The following AKAP13 variants were observed in gnomAD, a reference collection of about 807,000 sequenced individuals.
AKAP13 encodes A-kinase anchor protein 13.
In AKAP13, 80 loss-of-function variants were observed where a neutral mutation model predicts 264.5. That is an observed-to-expected ratio of 0.30 (90% CI 0.25 to 0.36). The LOEUF (loss-of-function observed/expected upper bound fraction) is 0.36. AKAP13 is among the 10% of genes least tolerant of loss of function. The pLI is 1.00. For synonymous variants in AKAP13, 1,380 were observed against 1,250.2 expected, an observed-to-expected ratio of 1.10 and a Z score of -2.19; for missense variants, 3,712 against 3,435.2, an observed-to-expected ratio of 1.08 and a Z score of -2.01.
chr15:85,619,916 C>A (rs1421587486), intron 8 of AKAP13: 17 of 1,434,110 alleles, frequency 1.2e-5, no homozygotes, highest in Non-Finnish European at 1.5e-5. Context: ...TGCTTGATTT[C>A]TTTTTAATTC....
At chr15:85,439,127 AAAAT>A (rs1453062829) in intron 1 of AKAP13, among the ~76,000 whole-genome samples, 1 of 152,182 alleles carries the variant, frequency 6.6e-6, no homozygotes, top group East Asian at 1.9e-4. Context: ...TACAAGAAAA[AAAAT>A]AAACAGCTCC....
chr15:85,439,122 G>GA (rs1289279274), intron 1 of AKAP13, among the ~76,000 whole-genome samples: 1 of 151,528 alleles, frequency 6.6e-6, no homozygotes, highest in Non-Finnish European at 1.5e-5. Flanking sequence ...AAATTTACAA[G>GA]AAAAAAAATA....
intron 1 of AKAP13, among the ~76,000 whole-genome samples, chr15:85,462,561 C>T (rs2074556913): frequency 6.6e-6 from 1 of 152,016 alleles, no homozygotes; most frequent in Non-Finnish European, 1.5e-5. Flanking sequence ...CTCAAGAGAC[C>T]AACTAATTAA....
intron 8 of AKAP13, among the ~76,000 whole-genome samples, chr15:85,614,030 A>G (rs924328103): frequency 6.6e-6 from 1 of 152,176 alleles, no homozygotes; most frequent in Non-Finnish European, 1.5e-5. Flanking sequence ...ATATATGGGA[A>G]GTAAGTTTAT....
intron 10 of AKAP13, among the ~76,000 whole-genome samples, chr15:85,646,932 A>G (rs1165967016): frequency 6.6e-6 from 1 of 152,242 alleles, no homozygotes; most frequent in African/African-American, 2.4e-5. Context: ...AATGCTACTC[A>G]ATTATATGCC....
In AKAP13 at chr15:85,706,265, G is replaced by A. The variant is rs552235150; in HGVS notation, c.5465-1754G>A. Among the ~76,000 whole-genome samples, 3 of 152,266 alleles carry A rather than the reference G, an allele frequency of 2.0e-5. No homozygotes were observed. The East Asian group carries it at 5.8e-4, about 29-fold the overall frequency. On this transcript the variant is annotated intron_variant, in intron 17 of 36. Coordinates refer to ENST00000394518, the MANE Select transcript of AKAP13 (RefSeq NM_007200.5). ...CTGGGCATCTCTGTGGCAGAGGAGG[G>A]GAGGTGCACCATACACCCTGAGTAA...
intron 1 of AKAP13, among the ~76,000 whole-genome samples, chr15:85,394,041 ATAAT>A (rs1304498632): frequency 7.2e-5 from 11 of 152,248 alleles, no homozygotes; most frequent in South Asian, 2.1e-4. Context: ...ATGGACATTA[ATAAT>A]TAACATTTAC....
chr15:85,689,240 A>C (rs570402374), intron 16 of AKAP13, among the ~76,000 whole-genome samples: 2 of 152,226 alleles, frequency 1.3e-5, no homozygotes, highest in Non-Finnish European at 2.9e-5. Flanking sequence ...TGTGGTCTGT[A>C]TAAAAAAGAG....
At chr15:85,609,698 C>T (rs1341488071) in intron 8 of AKAP13, among the ~76,000 whole-genome samples, 1 of 152,322 alleles carries the variant, frequency 6.6e-6, no homozygotes, top group East Asian at 1.9e-4. Flanking sequence ...GCTTTTCCTA[C>T]CTGATGTCAT....
chr15:85,738,496 A>G (rs1017306218), intron 33 of AKAP13, among the ~76,000 whole-genome samples: 3 of 152,234 alleles, frequency 2.0e-5, no homozygotes, highest in Non-Finnish European at 4.4e-5. Flanking sequence ...AAAGGAATAC[A>G]TGTTCATGGT....
At chr15:85,544,833 G>A (rs1264625819) in intron 5 of AKAP13, among the ~76,000 whole-genome samples, 1 of 152,186 alleles carries the variant, frequency 6.6e-6, no homozygotes. Flanking sequence ...TGAGGGACCT[G>A]TGCAAATTGA....
intron 5 of AKAP13, among the ~76,000 whole-genome samples, chr15:85,552,376 A>G (rs2151236150): frequency 6.6e-6 from 1 of 152,328 alleles, no homozygotes; most frequent in East Asian, 1.9e-4. Flanking sequence ...TTCTGGATTT[A>G]ATGAATCACA....
chr15:85,594,343 C>T (rs528396046), intron 8 of AKAP13, among the ~76,000 whole-genome samples: 102 of 152,240 alleles, frequency 6.7e-4, no homozygotes, highest in African/African-American at 2.4e-3. Context: ...GTAGGAAAGG[C>T]AATTATTAAA....
At chr15:85,562,981 T>C (rs2078458859) in intron 5 of AKAP13, among the ~76,000 whole-genome samples, 1 of 151,766 alleles carries the variant, frequency 6.6e-6, no homozygotes, top group African/African-American at 2.4e-5. Context: ...CCCAAGGTGC[T>C]GGGATTACAC....
intron 34 of AKAP13, 50 bp from the exon 35 acceptor site, chr15:85,740,996 C>T (rs777025557): frequency 1.7e-5 from 27 of 1,549,526 alleles, no homozygotes; most frequent in Non-Finnish European, 1.9e-5. Flanking sequence ...TCCAGAAGCT[C>T]GCTGTCGTCC....
intron 17 of AKAP13, among the ~76,000 whole-genome samples, chr15:85,694,573 A>G (rs556880717): frequency 2.2e-4 from 33 of 152,382 alleles, no homozygotes; most frequent in Non-Finnish European, 4.1e-4. Context: ...CTCATGGGCT[A>G]TACAAAAATA....
At chr15:85,692,140 G>A (rs1399479892) in intron 16 of AKAP13, among the ~76,000 whole-genome samples, 1 of 152,062 alleles carries the variant, frequency 6.6e-6, no homozygotes, top group Non-Finnish European at 1.5e-5. Flanking sequence ...TTGTCCTTTA[G>A]CCACTCCCCA....
chr15:85,455,772 G>A (rs1279092673), intron 1 of AKAP13, among the ~76,000 whole-genome samples: 1 of 151,860 alleles, frequency 6.6e-6, no homozygotes, highest in East Asian at 1.9e-4. Flanking sequence ...GTCTGACACC[G>A]AGATAAAACT....
intron 29 of AKAP13, among the ~76,000 whole-genome samples, chr15:85,728,198 T>C (rs562210479): frequency 8.1e-4 from 123 of 152,350 alleles, no homozygotes; most frequent in African/African-American, 2.9e-3. Context: ...TGTTGCTCTT[T>C]TCTCTTTGCC....
Sources: gnomAD v4.1 joint callset for allele counts (sites outside exome capture counted in the v4.1 genomes callset) on GRCh38, gnomAD v4.1.1 for gene constraint, MANE v1.5 for transcripts, NCBI Gene and HGNC (gene_info 2026-07-23, HGNC 2026-07-21) for gene names.